CDH12: variants seen among roughly 807,000 people sequenced by gnomAD.
CDH12 encodes the protein cadherin-12.
CDH12 carries 41 observed loss-of-function variants against 74.1 expected under a neutral mutation model. The ratio of observed to expected loss-of-function variants is 0.55; its 90% CI spans 0.43 to 0.72. The LOEUF is 0.72. Among genes scored for constraint, CDH12 ranks in the 30% least tolerant of loss-of-function variants. CDH12 has a pLI of 0.00. For missense variants in CDH12, 945 were observed against 977.2 expected (o/e 0.97, Z 0.44); for synonymous variants, 399 against 355.0 (o/e 1.12, Z -1.39).
At chr5:22,705,530 A>ACACAG (rs1580907667) in intron 1 of CDH12, among the ~76,000 whole-genome samples, 3 of 76,454 alleles carry the variant, frequency 3.9e-5, no homozygotes, top group African/African-American at 1.4e-4. Context: ...CACACACACA[A>ACACAG]ACACACACCA....
intron 10 of CDH12, among the ~76,000 whole-genome samples, chr5:21,798,544 C>A (rs1390042170): frequency 7.2e-5 from 11 of 151,956 alleles, no homozygotes; most frequent in Non-Finnish European, 1.5e-4. Flanking sequence ...TATGTTTCCC[C>A]AAAATTCATA....
intron 10 of CDH12, among the ~76,000 whole-genome samples, chr5:21,785,338 A>G (rs1746142592): frequency 6.6e-6 from 1 of 152,214 alleles, no homozygotes; most frequent in Non-Finnish European, 1.5e-5. Context: ...TAGTAATTCT[A>G]CAGTGGCCTC....
intron 5 of CDH12, among the ~76,000 whole-genome samples, chr5:22,002,010 T>G (rs114377526): frequency 0.02 from 2,972 of 152,172 alleles, 101 homozygotes; most frequent in African/African-American, 0.068. Context: ...CCTAGGAAAT[T>G]ACTAGGTCAG....
intron 1 of CDH12, among the ~76,000 whole-genome samples, chr5:22,719,085 G>C (rs770964895): frequency 6.6e-6 from 1 of 152,198 alleles, no homozygotes; most frequent in Non-Finnish European, 1.5e-5. Flanking sequence ...AGGTAGAAGT[G>C]GTCCTGGAGA....
chr5:22,370,339 G>T (rs938267578), intron 3 of CDH12, among the ~76,000 whole-genome samples: 5 of 152,096 alleles, frequency 3.3e-5, no homozygotes, highest in Non-Finnish European at 7.4e-5. Context: ...CTCCCAAGTT[G>T]CTTGGACTCT....
chr5:22,702,032 C>T (rs1742738913), intron 1 of CDH12, among the ~76,000 whole-genome samples: 1 of 152,152 alleles, frequency 6.6e-6, no homozygotes, highest in African/African-American at 2.4e-5. Context: ...CTTCCAGCTA[C>T]TTGACAACTA....
intron 6 of CDH12, among the ~76,000 whole-genome samples, chr5:21,899,733 C>T (rs1753294302): frequency 6.6e-6 from 1 of 151,408 alleles, no homozygotes; most frequent in Non-Finnish European, 1.5e-5. Context: ...TTTTAAAAAG[C>T]TCTTATTAGT....
chr5:22,390,575 G>GAGAT (rs5866562), intron 3 of CDH12, among the ~76,000 whole-genome samples: 20,341 of 148,124 alleles, frequency 0.14, 1,374 homozygotes, highest in East Asian at 0.18. Context: ...GATGGATGGA[G>GAGAT]AGATAGATAG....
intron 1 of CDH12, among the ~76,000 whole-genome samples, chr5:22,672,595 C>A (rs1490555941): frequency 6.6e-6 from 1 of 152,112 alleles, no homozygotes; most frequent in South Asian, 2.1e-4. Context: ...TGTCCCCATG[C>A]TCTTGGACTT....
chr5:22,409,771 TA>T (rs1172736117), intron 2 of CDH12, among the ~76,000 whole-genome samples: 4 of 152,092 alleles, frequency 2.6e-5, no homozygotes, highest in Non-Finnish European at 4.4e-5. Context: ...GAGAAAAGGA[TA>T]GGCTAAAGCC....
At chr5:21,945,696 T>C (rs939336050) in intron 6 of CDH12, among the ~76,000 whole-genome samples, 2 of 151,596 alleles carry the variant, frequency 1.3e-5, no homozygotes, top group African/African-American at 4.8e-5. Context: ...ATGGAATCAG[T>C]GAATCTGAAA....
chr5:22,482,390 A>G (rs968823882), intron 2 of CDH12, among the ~76,000 whole-genome samples: 3 of 152,160 alleles, frequency 2.0e-5, no homozygotes, highest in Non-Finnish European at 4.4e-5. Flanking sequence ...CAGATTTATT[A>G]TCAAGAAAAA....
chr5:22,037,927 C>A (rs909241937), intron 5 of CDH12, among the ~76,000 whole-genome samples: 3 of 152,098 alleles, frequency 2.0e-5, no homozygotes, highest in Admixed American at 1.3e-4. Context: ...AAGAAGAACT[C>A]CTTCTTGGGA....
rs1288498719 is a variant in CDH12, at chr5:22,012,676, C to T, written c.232-37291G>A. Among the ~76,000 whole-genome samples the T allele has an allele frequency of 2.0e-5, 3 of 150,782 alleles. No homozygotes were observed. In the Admixed American group the frequency reaches 2.0e-4, roughly 10 times the overall value. On this transcript the variant is annotated intron_variant, in intron 5 of 14. Coordinates refer to ENST00000382254, the MANE Select transcript of CDH12 (RefSeq NM_004061.5). Reference sequence around the variant, plus strand: ...TTACTTGGTTGAGTTATATAACATTCAAAAATAGAGAATTTGGAGCCTGAA... The same window carrying T: ...TTACTTGGTTGAGTTATATAACATTTAAAAATAGAGAATTTGGAGCCTGAA...
intron 5 of CDH12, among the ~76,000 whole-genome samples, chr5:21,976,895 T>C (rs1757093806): frequency 6.6e-6 from 1 of 152,050 alleles, no homozygotes; most frequent in Non-Finnish European, 1.5e-5. Flanking sequence ...AAGCTTCCTG[T>C]GTATTAGTAT....
intron 2 of CDH12, among the ~76,000 whole-genome samples, chr5:22,442,608 C>A (rs1744670884): frequency 6.6e-6 from 1 of 152,126 alleles, no homozygotes; most frequent in South Asian, 2.1e-4. Flanking sequence ...TTTGTGATCA[C>A]CCTGTTTTTT....
At chr5:22,845,034 G>A (rs747070088) in intron 1 of CDH12, among the ~76,000 whole-genome samples, 8 of 151,990 alleles carry the variant, frequency 5.3e-5, no homozygotes, top group South Asian at 2.1e-4. Context: ...AGTATGCTCC[G>A]GGTGTTTTAT....
At chr5:21,785,886 TATAC>T (rs1746170402) in intron 10 of CDH12, among the ~76,000 whole-genome samples, 2 of 152,160 alleles carry the variant, frequency 1.3e-5, no homozygotes, top group South Asian at 4.1e-4. Context: ...ATTTTAAATG[TATAC>T]AGAACAGCCT....
chr5:22,808,864 C>A (rs1158428582), intron 1 of CDH12, among the ~76,000 whole-genome samples: 1 of 149,960 alleles, frequency 6.7e-6, no homozygotes, highest in East Asian at 2.0e-4. Flanking sequence ...GCCTCAGCCT[C>A]CTGAAGTGCT....
Sources: gnomAD v4.1 joint callset for allele counts (sites outside exome capture counted in the v4.1 genomes callset) on GRCh38, gnomAD v4.1.1 for gene constraint, MANE v1.5 for transcripts, NCBI Gene and HGNC (gene_info 2026-07-23, HGNC 2026-07-21) for gene names.